Variants in VPS13D observed in about 807,000 individuals in gnomAD.
VPS13D encodes intermembrane lipid transfer protein VPS13D.
In VPS13D, 187 loss-of-function variants were observed where a neutral mutation model predicts 461.9. That is an observed-to-expected ratio of 0.40 (90% CI 0.36 to 0.46). The LOEUF is 0.46. VPS13D is among the 20% of genes least tolerant of loss of function. The pLI, the probability that VPS13D is intolerant of heterozygous loss-of-function variation, is 0.60. For missense variants in VPS13D, 4,711 were observed against 5,364.9 expected (o/e 0.88, Z 3.81); for synonymous variants, 1,951 against 1,986.3 (o/e 0.98, Z 0.47).
At chr1:12,352,825 C>CA (rs1643825511) in intron 46 of VPS13D, among the ~76,000 whole-genome samples, 1 of 151,794 alleles carries the variant, frequency 6.6e-6, no homozygotes, top group Non-Finnish European at 1.5e-5. Flanking sequence ...ATTAGCCAGA[C>CA]ATGGTGGTGC....
intron 67 of VPS13D, among the ~76,000 whole-genome samples, chr1:12,463,391 GT>G (rs1036161606): frequency 1.3e-3 from 193 of 152,290 alleles, no homozygotes; most frequent in Non-Finnish European, 8.2e-4. Context: ...CATAGCAGCC[GT>G]TTCACCAATG....
intron 65 of VPS13D, among the ~76,000 whole-genome samples, chr1:12,449,904 C>T (rs1472935974): frequency 6.6e-6 from 1 of 152,154 alleles, no homozygotes; most frequent in Non-Finnish European, 1.5e-5. Context: ...GTAGGCAGAT[C>T]ACATGAAGCC....
chr1:12,480,688 T>C (rs1422744589), intron 67 of VPS13D, among the ~76,000 whole-genome samples: 2 of 152,198 alleles, frequency 1.3e-5, no homozygotes, highest in East Asian at 3.8e-4. Flanking sequence ...TCTTTTGAAA[T>C]TTTCTGGTTC....
intron 60 of VPS13D, among the ~76,000 whole-genome samples, chr1:12,396,751 G>A (rs1204705554): frequency 6.6e-6 from 1 of 152,000 alleles, no homozygotes; most frequent in African/African-American, 2.4e-5. Context: ...TATATATCAC[G>A]AATAACAGAG....
chr1:12,378,531 G>T lies in VPS13D; in HGVS notation c.11021G>T (p.Arg3674Leu). 1.2e-6 allele frequency: 2 copies of T among 1,611,274 alleles called. No homozygotes were observed. The highest frequency in any genetic ancestry group is 1.7e-6 in the Non-Finnish European group (2 of 1,178,804). Residue 3674 changes from arginine (R) to leucine (L), a missense_variant, in exon 56 of 70, where the codon CGC (arginine) becomes CTC (leucine). Coordinates refer to ENST00000620676, the MANE Select transcript of VPS13D (RefSeq NM_015378.4). Reference protein sequence around the residue: ...PHNPNKPSAARSTEGSAILDI... With the variant: ...PHNPNKPSAALSTEGSAILDI... ...AATCCCAATAAGCCCTCAGCCGCCC[G>T]CTCCACCGAGGGGTCTGCCATCTTA...
chr1:12,309,653 C>G (rs747580548), intron 27 of VPS13D, among the ~76,000 whole-genome samples: 1 of 149,668 alleles, frequency 6.7e-6, no homozygotes, highest in East Asian at 2.0e-4. Flanking sequence ...TCCCAGCTAC[C>G]GGGAAGGCTG....
Position 12,356,448 on chromosome 1 carries a change from CAGTTTGAGGAGCA to C in VPS13D, c.9923_9935del (p.Gln3308LeufsTer7). The stretch of plus-strand genomic sequence containing the variant: ...CAATGCCAAGACAGATGCTGCAGGC[CAGTTTGAGGAGCA>C]TGAGCTGGCCCGTAGCCTGAGTCCT... On this transcript the variant is annotated frameshift_variant, in exon 49 of 70. Coordinates refer to ENST00000620676, the MANE Select transcript of VPS13D (RefSeq NM_015378.4). LOFTEE classifies it high-confidence loss of function. The C allele has an allele frequency of 6.2e-7, 1 of 1,614,044 alleles. No homozygotes were observed. Among genetic ancestry groups the C allele is most frequent in the Non-Finnish European group, 8.5e-7 (1 of 1,180,030 alleles).
Position 12,304,531 on chromosome 1 carries a change from C to T in VPS13D, c.6242C>T (p.Thr2081Met), listed in dbSNP as rs150875308. 16 of 1,613,906 alleles carry T rather than the reference C, an allele frequency of 9.9e-6. No individual in the cohort carries two copies. Among genetic ancestry groups the T allele is most frequent in the Middle Eastern group, 1.7e-4 (1 of 6,050 alleles). Residue 2081 changes from threonine to methionine, a missense_variant, in exon 26 of 70, where the codon ACG becomes ATG. Thr to Met is a moderately conservative substitution (Grantham distance 81). Coordinates refer to ENST00000620676, the MANE Select transcript of VPS13D (RefSeq NM_015378.4). ...GAATCTGTGCCTTCAGCTTCCCCAA[C>T]GGGTATTCCCAAACACAGTCTGAGG... ...DKESVPSASP[T>M]GIPKHSLRKT...
intron 67 of VPS13D, among the ~76,000 whole-genome samples, chr1:12,471,932 T>C (rs188739090): frequency 3.9e-5 from 6 of 151,948 alleles, no homozygotes; most frequent in Non-Finnish European, 8.8e-5. Flanking sequence ...AAAAAAAAAA[T>C]TTTATGTTCC....
intron 2 of VPS13D, among the ~76,000 whole-genome samples, chr1:12,240,942 T>TC (rs1031252858): frequency 1.3e-4 from 20 of 152,074 alleles, no homozygotes; most frequent in Non-Finnish European, 2.4e-4. Context: ...TCTTTTTTTT[T>TC]CCCTTTTTCT....
In VPS13D at chr1:12,400,307, A is replaced by C; in HGVS notation, c.11761A>C (p.Ser3921Arg). 5 of 1,614,126 alleles carry C rather than the reference A, an allele frequency of 3.1e-6. No homozygotes were observed. Among genetic ancestry groups the C allele is most frequent in the Non-Finnish European group, 4.2e-6 (5 of 1,180,022 alleles). Residue 3921 changes from serine (S) to arginine (R), a missense_variant, in exon 61 of 70, where the codon AGT (serine) becomes CGT (arginine). By Grantham distance (110) the Ser-to-Arg change is moderately radical. Transcript: ENST00000620676. Reference sequence around the variant, plus strand: ...CAACGCAGTGAAGTTCCCCAGTAAGAGTGCACTGACCAACATCTACAAGGT... The same window carrying C: ...CAACGCAGTGAAGTTCCCCAGTAAGCGTGCACTGACCAACATCTACAAGGT... Reference protein sequence around the residue: ...QVNAVKFPSKSALTNIYKHLM... With the variant: ...QVNAVKFPSKRALTNIYKHLM...
chr1:12,295,511 A>G (rs577170822), intron 24 of VPS13D, among the ~76,000 whole-genome samples: 11 of 152,332 alleles, frequency 7.2e-5, no homozygotes, highest in Non-Finnish European at 1.2e-4. Flanking sequence ...TACAAGTAGC[A>G]TAATCAAATG....
rs959257612 is a variant in VPS13D, at chr1:12,394,493, AT to A, written c.11635-5687del. On this transcript the variant is annotated intron_variant, in intron 60 of 69. Transcript: ENST00000620676. The stretch of plus-strand genomic sequence containing the variant: ...CAACCTGCCACCTCGGGATCCAGTT[AT>A]CCCCATTGTGTTTAAATTTTGTAGC... Among the ~76,000 whole-genome samples, 7 of 152,280 alleles carry A rather than the reference AT, an allele frequency of 4.6e-5. No individual in the cohort carries two copies. In the South Asian group the frequency reaches 1.2e-3, roughly 27 times the overall value.
At chr1:12,282,571 AAAG>A in intron 20 of VPS13D, 131 bp from the exon 21 acceptor site, 1 of 873,538 alleles carries the variant, frequency 1.1e-6, no homozygotes, top group Non-Finnish European at 1.8e-6. Context: ...AAATAAATGA[AAAG>A]AGATAGTCTT....
chr1:12,484,059 G>A (rs541174388), intron 67 of VPS13D, among the ~76,000 whole-genome samples: 3 of 152,058 alleles, frequency 2.0e-5, no homozygotes, highest in African/African-American at 4.8e-5. Flanking sequence ...TATATGTGGC[G>A]TGGCCTATTA....
At chr1:12,494,286 A>T (rs974861198) in intron 67 of VPS13D, among the ~76,000 whole-genome samples, 2 of 152,148 alleles carry the variant, frequency 1.3e-5, no homozygotes, top group Non-Finnish European at 2.9e-5. Context: ...CAGGGGAGCC[A>T]CTCTGCTTTT....
At chr1:12,444,356 C>T (rs1047645176) in intron 65 of VPS13D, among the ~76,000 whole-genome samples, 1 of 151,924 alleles carries the variant, frequency 6.6e-6, no homozygotes, top group Non-Finnish European at 1.5e-5. Context: ...AATAATATGC[C>T]TCGATATGAT....
chr1:12,354,105 A>G lies in VPS13D; in HGVS notation c.9563A>G (p.Asn3188Ser), dbSNP rs1029326205. Reference protein sequence around the residue: ...IYLLPTVVICNLLPCELDFYV... With the variant: ...IYLLPTVVICSLLPCELDFYV... ...CTCCTGCCAACTGTGGTAATCTGCA[A>G]CTTGCTACCCTGTGAACTTGATTTT... The change falls in exon 47 of 70, where the codon AAC becomes AGC. Residue 3188 changes from asparagine (N) to serine (S), a missense_variant. Around this residue, in one of 3 missense-constraint regions of VPS13D, gnomAD observed 4,411 missense variants for 4,937.8 expected, o/e 0.89. Coordinates refer to ENST00000620676, the MANE Select transcript of VPS13D (RefSeq NM_015378.4). 5.6e-6 allele frequency: 9 copies of G among 1,614,084 alleles called. No individual in the cohort carries two copies. The highest frequency in any genetic ancestry group is 1.1e-5 in the South Asian group (1 of 91,090).
chr1:12,504,310 C>G (rs1259759301), intron 68 of VPS13D, among the ~76,000 whole-genome samples: 1 of 152,116 alleles, frequency 6.6e-6, no homozygotes, highest in African/African-American at 2.4e-5. Flanking sequence ...TGGCCTCACT[C>G]TCTCCCTTCT....
Sources: allele counts gnomAD v4.1 joint callset (sites outside exome capture counted in the v4.1 genomes callset), GRCh38; gene constraint gnomAD v4.1.1; regional missense constraint gnomAD v4.1.1; transcripts MANE v1.5; gene names NCBI Gene and HGNC (gene_info 2026-07-23, HGNC 2026-07-21).